Variants in ZFHX3 observed in about 807,000 individuals in gnomAD.
ZFHX3 encodes the protein zinc finger homeobox protein 3.
In ZFHX3, 42 loss-of-function variants were observed where a neutral mutation model predicts 279.1. That is an observed-to-expected ratio of 0.15 (90% CI 0.12 to 0.19). ZFHX3 has a LOEUF of 0.19. Ranked by LOEUF, ZFHX3 falls within the 10% of genes least tolerant of loss-of-function variation. The probability of loss-of-function intolerance (pLI) is 1.00; values close to 1 mark genes in which losing one functional copy is unlikely to be tolerated. For synonymous variants in ZFHX3, 2,293 were observed against 1,957.8 expected, an observed-to-expected ratio of 1.17 and a Z score of -4.52; for missense variants, 4,981 against 4,754.0, an observed-to-expected ratio of 1.05 and a Z score of -1.40.
Position 72,950,745 on chromosome 16 carries a change from C to G in ZFHX3, c.2940G>C (p.Met980Ile), listed in dbSNP as rs1455773071. The part of the protein sequence containing the change: ...SLSEDEWKAV[M>I]GDSYQCKLCR... ...AGAGCTTGCACTGGTATGAGTCCCC[C>G]ATCACCGCCTTCCACTCGTCCTCCG... The change falls in exon 3 of 10, where the codon ATG becomes ATC. Residue 980 changes from methionine (M) to isoleucine (I), a missense_variant. Coordinates refer to ENST00000268489, the MANE Select transcript of ZFHX3 (RefSeq NM_006885.4). 1.9e-6 allele frequency: 3 copies of G among 1,614,096 alleles called. No homozygotes were observed. The highest frequency in any genetic ancestry group is 4.5e-5 in the East Asian group (2 of 44,890).
At chr16:73,241,517 G>A (rs142181912) in intron 5 of ZFHX3, among the ~76,000 whole-genome samples, 3,559 of 151,672 alleles carry the variant, frequency 0.023, 134 homozygotes, top group African/African-American at 0.074. Context: ...GGGGCCGGGC[G>A]CGGTGGCTCA....
rs2035945874 is a variant in ZFHX3, at chr16:72,797,392, C to T, written c.5290G>A (p.Ala1764Thr). Residue 1764 changes from alanine to threonine, a missense_variant, in exon 9 of 10, where the codon GCT becomes ACT. Coordinates refer to ENST00000268489, the MANE Select transcript of ZFHX3 (RefSeq NM_006885.4). ...AACAGCTGAGACTGGATCAGGGCAG[C>T]CTGTTGCTGCAGCTCCTGCTGCAGG... is the stretch of plus-strand genomic sequence containing the variant. ...AHLQQELQQQ[A>T]ALIQSQLFNP... is the part of the protein sequence containing the mutation. 1 of 1,608,302 alleles carries T rather than the reference C, an allele frequency of 6.2e-7. No homozygotes were observed. Among genetic ancestry groups the T allele is most frequent in the Non-Finnish European group, 8.5e-7 (1 of 1,177,558 alleles).
chr16:73,194,884 A>C (rs776525244), intron 5 of ZFHX3, among the ~76,000 whole-genome samples: 11 of 152,178 alleles, frequency 7.2e-5, no homozygotes, highest in Non-Finnish European at 1.6e-4. Context: ...AAGTTTCCTT[A>C]TTTTAAGTTT....
chr16:73,736,156 T>G (rs1016757190), intron 1 of ZFHX3, among the ~76,000 whole-genome samples: 2 of 152,116 alleles, frequency 1.3e-5, no homozygotes, highest in African/African-American at 4.8e-5. Flanking sequence ...CAGAGACAGA[T>G]GGGGATTCTA....
Position 72,808,915 on chromosome 16 carries a change from T to C in ZFHX3, c.3864+2662A>G, listed in dbSNP as rs111977013. ...AGAATAATACAGTATGGCTGTTGTA[T>C]AGCTTTCATGAGAGTCTCCATAAAG... On this transcript the variant is annotated intron_variant, in intron 7 of 9. Coordinates refer to ENST00000268489, the MANE Select transcript of ZFHX3 (RefSeq NM_006885.4). Among the ~76,000 whole-genome samples the C allele has an allele frequency of 7.5e-4, 114 of 152,328 alleles. 2 individuals carry two copies. Among genetic ancestry groups the C allele is most frequent in the South Asian group, 6.0e-3 (29 of 4,828 alleles).
upstream of ZFHX3, among the ~76,000 whole-genome samples, chr16:73,062,719 C>T (rs1420832161): frequency 7.0e-6 from 1 of 143,174 alleles, no homozygotes; most frequent in African/African-American, 2.6e-5. Context: ...GACACAGAAG[C>T]AAAAAAAAAA....
chr16:72,878,372 G>A (rs922467913), intron 4 of ZFHX3, among the ~76,000 whole-genome samples: 1 of 152,172 alleles, frequency 6.6e-6, no homozygotes, highest in Non-Finnish European at 1.5e-5. Context: ...TGACAGGCTA[G>A]AAGCCACTCC....
At chr16:73,313,154 C>A (rs978891977) in intron 4 of ZFHX3, among the ~76,000 whole-genome samples, 1 of 152,202 alleles carries the variant, frequency 6.6e-6, no homozygotes, top group Non-Finnish European at 1.5e-5. Flanking sequence ...TTTTCTCGCT[C>A]TCTCTCCTGC....
intron 2 of ZFHX3, among the ~76,000 whole-genome samples, chr16:73,576,545 T>C (rs112249170): frequency 2.6e-5 from 4 of 152,146 alleles, no homozygotes; most frequent in African/African-American, 4.8e-5. Flanking sequence ...TCTTCCGTCA[T>C]CATAGACACG....
At chr16:73,640,636 A>C (rs903977205) in intron 2 of ZFHX3, among the ~76,000 whole-genome samples, 2 of 152,186 alleles carry the variant, frequency 1.3e-5, no homozygotes, top group African/African-American at 4.8e-5. Flanking sequence ...AAATTGAAGA[A>C]GTTTCCCTAA....
intron 1 of ZFHX3, among the ~76,000 whole-genome samples, chr16:73,763,681 G>C (rs1243119075): frequency 1.3e-5 from 2 of 152,070 alleles, no homozygotes; most frequent in Non-Finnish European, 2.9e-5. Flanking sequence ...CTTATTAACA[G>C]AATATAGCAA....
At chr16:73,702,671 G>A (rs2053260823) in intron 1 of ZFHX3, among the ~76,000 whole-genome samples, 1 of 152,128 alleles carries the variant, frequency 6.6e-6, no homozygotes, top group South Asian at 2.1e-4. Flanking sequence ...CTGAAAAGAT[G>A]AGACAGCGCA....
chr16:73,425,234 T>A (rs559759180), intron 3 of ZFHX3, among the ~76,000 whole-genome samples: 1 of 152,298 alleles, frequency 6.6e-6, no homozygotes, highest in African/African-American at 2.4e-5. Flanking sequence ...TAGACATCTA[T>A]CTCTTTGGTT....
At chr16:73,117,753 T>C (rs765146942) in intron 7 of ZFHX3, among the ~76,000 whole-genome samples, 1 of 152,026 alleles carries the variant, frequency 6.6e-6, no homozygotes, top group Non-Finnish European at 1.5e-5. Context: ...CTTTGGGAGG[T>C]CATTAGGTCA....
rs533707780 is a variant in ZFHX3, at chr16:73,710,523, C to T, written c.-1607-30283G>A. On this transcript the variant is annotated intron_variant, in intron 1 of 17. Transcript: ENST00000641206. Reference sequence around the variant, plus strand: ...CCACACAGAAGTCGGGGAGAGGTTGCACCGCTTGAGTTTTTACCCCTTCCC... The same window carrying T: ...CCACACAGAAGTCGGGGAGAGGTTGTACCGCTTGAGTTTTTACCCCTTCCC... Among the ~76,000 whole-genome samples the T allele has an allele frequency of 3.3e-5, 5 of 152,292 alleles. No individual in the cohort carries two copies. In the East Asian group the frequency reaches 9.7e-4, roughly 29 times the overall value.
At chr16:73,712,786 G>T (rs74028437) in intron 1 of ZFHX3, among the ~76,000 whole-genome samples, 3 of 152,152 alleles carry the variant, frequency 2.0e-5, no homozygotes, top group Non-Finnish European at 4.4e-5. Context: ...ACCGTAAGAG[G>T]GGGGATATAT....
intron 1 of ZFHX3, among the ~76,000 whole-genome samples, chr16:73,690,821 C>A (rs2053142456): frequency 6.6e-6 from 1 of 152,210 alleles, no homozygotes; most frequent in Non-Finnish European, 1.5e-5. Flanking sequence ...GGGAGGTTAC[C>A]TTACACCATC....
chr16:73,302,605 T>C (rs577424566), intron 4 of ZFHX3, among the ~76,000 whole-genome samples: 2 of 152,368 alleles, frequency 1.3e-5, no homozygotes, highest in African/African-American at 4.8e-5. Context: ...CTGGCCTTGA[T>C]AACCTCCAGT....
chr16:73,487,822 C>G (rs1251660402), intron 2 of ZFHX3: 1 of 156,114 alleles, frequency 6.4e-6, no homozygotes, highest in Non-Finnish European at 1.4e-5. Context: ...GCTCATTCAT[C>G]GGAGTTTGCC....
Sources: gnomAD v4.1 joint callset for allele counts (sites outside exome capture counted in the v4.1 genomes callset) on GRCh38, gnomAD v4.1.1 for gene constraint, MANE v1.5 for transcripts, NCBI Gene and HGNC (gene_info 2026-07-23, HGNC 2026-07-21) for gene names.